ADH1B: variants seen among roughly 807,000 people sequenced by gnomAD.
The protein encoded by ADH1B is alcohol dehydrogenase 1B (class I), beta polypeptide.
In ADH1B, 29 loss-of-function variants were observed where a neutral mutation model predicts 34.6. The ratio of observed to expected loss-of-function variants is 0.84; its 90% confidence interval spans 0.62 to 1.14. The LOEUF is 1.14. Among genes scored for constraint, ADH1B ranks in the 50% most tolerant of loss-of-function variants. The pLI, the probability that ADH1B is intolerant of heterozygous loss-of-function variation, is 0.00. For missense variants in ADH1B, 424 were observed against 468.4 expected (o/e 0.91, Z 0.87); for synonymous variants, 170 against 175.5 (o/e 0.97, Z 0.25).
chr4:99,308,088 G>A (rs185589907), intron 8 of ADH1B, among the ~76,000 whole-genome samples: 1 of 151,976 alleles, frequency 6.6e-6, no homozygotes, highest in Admixed American at 6.6e-5. Context: ...ACAACATCCT[G>A]AGTATGCCTG....
chr4:99,305,042 C>T lies in ADH1B; in HGVS notation c.*2798G>A, dbSNP rs1364066142. The T allele has an allele frequency of 6.6e-6, 1 of 151,286 alleles. No individual in the cohort carries two copies. 9.4% of individuals were successfully genotyped at this position (151,286 alleles called of 1,614,324 possible). ...CAGTGCCATTTAATATGCTATTTTGCCATTTTAGTTTCCTCTTCCACGAAT... is the reference window on the plus strand; with the variant it reads ...CAGTGCCATTTAATATGCTATTTTGTCATTTTAGTTTCCTCTTCCACGAAT... On this transcript the variant is annotated 3_prime_UTR_variant, in exon 9 of 9. Transcript: ENST00000305046.
At chr4:99,320,236 A>G (rs1308786431) in intron 1 of ADH1B, 1 of 152,116 alleles carries the variant, frequency 6.6e-6, no homozygotes, top group African/African-American at 2.4e-5. Flanking sequence ...AGTCCATTAT[A>G]TCATTCTCAT....
chr4:99,313,760 T>A, intron 6 of ADH1B, 61 bp downstream of exon 6: 2 of 1,613,364 alleles, frequency 1.2e-6, no homozygotes, highest in Non-Finnish European at 1.7e-6. Flanking sequence ...TATATTTTGC[T>A]GCCTAAATGC....
intron 3 of ADH1B, 134 bp downstream of exon 3, chr4:99,317,912 G>C (rs754449127): frequency 3.6e-5 from 52 of 1,456,392 alleles, no homozygotes; most frequent in Non-Finnish European, 4.5e-5. Context: ...GAGGGAAAGA[G>C]GAAACTCCTG....
intron 2 of ADH1B, 95 bp downstream of exon 2, chr4:99,318,690 G>T: frequency 8.7e-7 from 1 of 1,155,750 alleles, no homozygotes; most frequent in Non-Finnish European, 1.2e-6. Context: ...GATCATATAA[G>T]ATATGCCTCT....
At chr4:99,318,618 A>T in intron 2 of ADH1B, 167 bp downstream of exon 2, 1 of 695,232 alleles carries the variant, frequency 1.4e-6, no homozygotes, top group South Asian at 2.5e-5. Flanking sequence ...ATCATTTTTT[A>T]AAAATTTAAA....
chr4:99,319,053 T>A (rs1044777158), intron 1 of ADH1B, 167 bp from the exon 2 acceptor site: 3 of 814,158 alleles, frequency 3.7e-6, no homozygotes, highest in African/African-American at 3.4e-5. Flanking sequence ...AAGTATCTTT[T>A]AAAAAGCAAT....
intron 8 of ADH1B, among the ~76,000 whole-genome samples, chr4:99,309,077 A>G (rs1252190450): frequency 3.9e-5 from 6 of 152,082 alleles, no homozygotes; most frequent in African/African-American, 9.7e-5. Flanking sequence ...GAATATCCCA[A>G]TGAAGTCATT....
chr4:99,308,484 A>C (rs1733669925), intron 8 of ADH1B, among the ~76,000 whole-genome samples: 2 of 151,622 alleles, frequency 1.3e-5, no homozygotes, highest in Admixed American at 1.3e-4. Context: ...AGTTTAAAAG[A>C]CCTTTGATAC....
In ADH1B at chr4:99,318,149, G is replaced by T; in HGVS notation, c.156C>A (p.His52Gln). 6.2e-7 allele frequency: 1 copy of T among 1,614,098 alleles called. No homozygotes were observed. The highest frequency in any genetic ancestry group is 8.5e-7 in the Non-Finnish European group (1 of 1,180,012). The change falls in exon 3 of 9, where the codon CAC (histidine) becomes CAA (glutamine). Residue 52 changes from histidine to glutamine, a missense_variant. Transcript: ENST00000305046. The part of the protein sequence containing the change: ...VAVGICHTDD[H>Q]VVSGNLVTPL... ...GGGTCACCAGGTTGCCACTAACCACGTGGTCATCTGTGTGACAGATTCCTA... is the reference window on the plus strand; with the variant it reads ...GGGTCACCAGGTTGCCACTAACCACTTGGTCATCTGTGTGACAGATTCCTA...
chr4:99,318,631 T>G, intron 2 of ADH1B, 154 bp downstream of exon 2: 1 of 750,024 alleles, frequency 1.3e-6, no homozygotes, highest in Non-Finnish European at 2.1e-6. Flanking sequence ...AATTTAAAAT[T>G]TATATTTATA....
In ADH1B at chr4:99,311,501, A is replaced by G; in HGVS notation, c.964+20T>C. On this transcript the variant is annotated intron_variant, in intron 7 of 8. Coordinates refer to ENST00000305046, the MANE Select transcript of ADH1B (RefSeq NM_000668.6). ...ATATTGAGATTAATGAGAATTTGGC[A>G]CTTGAGCCCAACTACATACCACCAT... is the stretch of plus-strand genomic sequence containing the variant. 1 of 1,610,732 alleles carries G rather than the reference A, an allele frequency of 6.2e-7. No homozygotes were observed. The highest frequency in any genetic ancestry group is 8.5e-7 in the Non-Finnish European group (1 of 1,178,458).
In ADH1B at chr4:99,307,305, CT is replaced by C. The variant is rs1733632116; in HGVS notation, c.*534del. 1 of 154,964 alleles carries C rather than the reference CT, an allele frequency of 6.5e-6. No homozygotes were observed. The highest frequency in any genetic ancestry group is 2.4e-5 in the African/African-American group (1 of 41,458). The allele number at this position is 154,964 out of a possible 1,614,324, so 9.6% of individuals were successfully genotyped here. A position where few individuals can be genotyped will look rare whatever the true frequency, so the allele number is the denominator to read the frequency against. On this transcript the variant is annotated 3_prime_UTR_variant, in exon 9 of 9. Coordinates refer to ENST00000305046, the MANE Select transcript of ADH1B (RefSeq NM_000668.6). ...CCTAAGAAATTTCCTGTATTTAGAA[CT>C]CTTGGACCTTCACTACTTGTAAATG... is the stretch of plus-strand genomic sequence containing the variant.
At chr4:99,310,936 G>A in intron 7 of ADH1B, 33 bp from the exon 8 acceptor site, 1 of 1,604,528 alleles carries the variant, frequency 6.2e-7, no homozygotes, top group Non-Finnish European at 8.5e-7. Context: ...GTTGGATTCA[G>A]CTAGGGTAAG....
intron 3 of ADH1B, 54 bp downstream of exon 3, chr4:99,317,992 C>T (rs1265821119): frequency 1.2e-6 from 2 of 1,601,786 alleles, no homozygotes; most frequent in African/African-American, 2.7e-5. Context: ...CTTATCCAGG[C>T]TGGGAAATCC....
chr4:99,307,863 T>C lies in ADH1B; in HGVS notation c.1105A>G (p.Ile369Val). Reference protein sequence around the residue: ...GFDLLHSGKSIRTVLTF With the variant: ...GFDLLHSGKSVRTVLTF Reference sequence around the variant, plus strand: ...CCTCAAAACGTCAGGACGGTACGGATACTGCAATAGGAAAGAAGAGACATT... The same window carrying C: ...CCTCAAAACGTCAGGACGGTACGGACACTGCAATAGGAAAGAAGAGACATT... Residue 369 changes from isoleucine to valine, a missense_variant and splice_region_variant, in exon 9 of 9, where the codon ATC becomes GTC. By Grantham distance (29) the Ile-to-Val change is conservative. Coordinates refer to ENST00000305046, the MANE Select transcript of ADH1B (RefSeq NM_000668.6). The C allele has an allele frequency of 6.2e-7, 1 of 1,613,926 alleles. No individual in the cohort carries two copies. Among genetic ancestry groups the C allele is most frequent in the Non-Finnish European group, 8.5e-7 (1 of 1,179,870 alleles).
chr4:99,316,798 T>TTTTC (rs1733896772), intron 3 of ADH1B: 1 of 152,074 alleles, frequency 6.6e-6, no homozygotes, highest in Non-Finnish European at 1.5e-5. Context: ...TCAAAGTGAC[T>TTTTC]ATGCTTATCT....
At chr4:99,315,359 CATA>C (rs1225794847) in intron 5 of ADH1B, 2 of 169,106 alleles carry the variant, frequency 1.2e-5, no homozygotes, top group Non-Finnish European at 2.6e-5. Flanking sequence ...AGTGAAATCC[CATA>C]ATGAGTGAAT....
chr4:99,311,403 T>C, intron 7 of ADH1B, 118 bp downstream of exon 7: 3 of 1,259,964 alleles, frequency 2.4e-6, no homozygotes, highest in Non-Finnish European at 3.3e-6. Flanking sequence ...TTATTTTTGA[T>C]TTGTTTTCAA....
Sources: gnomAD v4.1 joint callset for allele counts (sites outside exome capture counted in the v4.1 genomes callset) on GRCh38, gnomAD v4.1.1 for gene constraint, MANE v1.5 for transcripts, NCBI Gene and HGNC (gene_info 2026-07-23, HGNC 2026-07-21) for gene names.